The following UBE2E2 variants were observed in gnomAD, a reference collection of about 807,000 sequenced individuals.
The protein encoded by UBE2E2 is ubiquitin conjugating enzyme E2 E2, also known as ubiquitin-conjugating enzyme E2 E2.
A neutral mutation model predicts 24.7 loss-of-function variants in UBE2E2; 6 were observed. The ratio of observed to expected loss-of-function variants is 0.24; its 90% CI spans 0.13 to 0.48. The LOEUF is 0.48. Ranked by LOEUF, UBE2E2 falls within the 20% of genes least tolerant of loss-of-function variation. The probability of loss-of-function intolerance (pLI) is 0.99; values close to 1 mark genes in which losing one functional copy is unlikely to be tolerated. For synonymous variants in UBE2E2, 104 were observed against 83.6 expected (o/e 1.24, Z -1.33); for missense variants, 169 against 245.0 (o/e 0.69, Z 2.07).
At chr3:23,467,718 C>T (rs1350128722) in intron 3 of UBE2E2, among the ~76,000 whole-genome samples, 1 of 152,068 alleles carries the variant, frequency 6.6e-6, no homozygotes, top group Non-Finnish European at 1.5e-5. Context: ...TTAGTACGTT[C>T]TCACACTGCT....
intron 3 of UBE2E2, among the ~76,000 whole-genome samples, chr3:23,335,726 G>A (rs557345369): frequency 6.6e-6 from 1 of 152,062 alleles, no homozygotes; most frequent in Non-Finnish European, 1.5e-5. Flanking sequence ...TAGAGATGGG[G>A]TCTCACTGTG....
intron 3 of UBE2E2, among the ~76,000 whole-genome samples, chr3:23,408,098 A>G (rs1034366626): frequency 6.6e-5 from 10 of 152,178 alleles, no homozygotes; most frequent in Non-Finnish European, 1.0e-4. Flanking sequence ...TTTTTGTAGA[A>G]GAAAAGTAAG....
intron 3 of UBE2E2, among the ~76,000 whole-genome samples, chr3:23,357,130 C>T (rs147589652): frequency 2.2e-3 from 331 of 152,306 alleles, no homozygotes; most frequent in African/African-American, 7.2e-3. Context: ...GGTCTTACTT[C>T]ACTGCAAGGA....
rs116909531 is a variant in UBE2E2 at position 23,534,887 on chromosome 3, T to C, written c.508+2186T>C. Among the ~76,000 whole-genome samples, 85 of 152,310 alleles carry C rather than the reference T, an allele frequency of 5.6e-4. 3 individuals carry two copies. In the East Asian group the frequency reaches 0.015, roughly 27 times the overall value. On this transcript the variant is annotated intron_variant, in intron 5 of 5. Coordinates refer to ENST00000396703, the MANE Select transcript of UBE2E2 (RefSeq NM_152653.4). The stretch of plus-strand genomic sequence containing the variant: ...CCCGGAAATGCTGTCACCTCAAAAA[T>C]AGGCCTTGTATAATGATACAAATTT...
At chr3:23,421,685 C>T (rs117385788) in intron 3 of UBE2E2, among the ~76,000 whole-genome samples, 4,393 of 152,274 alleles carry the variant, frequency 0.029, 109 homozygotes, top group East Asian at 0.13. Context: ...GGATTACAGA[C>T]GTGAGCCACC....
chr3:23,226,644 G>C (rs769805763), intron 3 of UBE2E2, among the ~76,000 whole-genome samples: 1 of 152,166 alleles, frequency 6.6e-6, no homozygotes, highest in Admixed American at 6.6e-5. Flanking sequence ...GAATGAATGA[G>C]AGCAGAAACA....
intron 3 of UBE2E2, among the ~76,000 whole-genome samples, chr3:23,480,554 A>G (rs906960901): frequency 1.3e-5 from 2 of 150,930 alleles, no homozygotes; most frequent in Non-Finnish European, 2.9e-5. Flanking sequence ...CGCCTCCCCC[A>G]CTACAGCTGG....
chr3:23,345,462 T>C (rs534824247), intron 3 of UBE2E2, among the ~76,000 whole-genome samples: 4 of 152,336 alleles, frequency 2.6e-5, no homozygotes, highest in Admixed American at 2.6e-4. Flanking sequence ...GTTTAAAATA[T>C]ACGTGGCAAA....
intron 3 of UBE2E2, among the ~76,000 whole-genome samples, chr3:23,430,636 A>G (rs1209256382): frequency 6.6e-6 from 1 of 152,026 alleles, no homozygotes; most frequent in Non-Finnish European, 1.5e-5. Flanking sequence ...TTCCTGTCTT[A>G]TCCTCCTGAG....
intron 3 of UBE2E2, among the ~76,000 whole-genome samples, chr3:23,379,097 G>A (rs954027838): frequency 6.6e-6 from 1 of 152,022 alleles, no homozygotes; most frequent in African/African-American, 2.4e-5. Context: ...AATGCTGTTT[G>A]ACTGTCTTGT....
In UBE2E2 at chr3:23,407,016, A is replaced by G. The variant is rs1483975161; in HGVS notation, c.228-92592A>G. 6.6e-6 allele frequency among the ~76,000 whole-genome samples: 1 copy of G among 152,212 alleles called. No individual in the cohort carries two copies. Among genetic ancestry groups the G allele is most frequent in the African/African-American group, 2.4e-5 (1 of 41,460 alleles). On this transcript the variant is annotated intron_variant, in intron 3 of 5. Coordinates refer to ENST00000396703, the MANE Select transcript of UBE2E2 (RefSeq NM_152653.4). The surrounding 1 kb of genome is among the most constrained non-coding windows in gnomAD (Gnocchi z 4.0). ...GCCCATTCCAAATTGTAAAGCAATC[A>G]TATTTGGTGATACTTTTAATTCATT...
chr3:23,500,099 G>A (rs1699689432), intron 4 of UBE2E2, among the ~76,000 whole-genome samples: 1 of 152,180 alleles, frequency 6.6e-6, no homozygotes, highest in Admixed American at 6.5e-5. Flanking sequence ...TGGAGCCAGA[G>A]CCCAAGCAAG....
intron 3 of UBE2E2, 117 bp from the exon 4 acceptor site, chr3:23,499,491 C>T (rs922485698): frequency 1.8e-5 from 23 of 1,247,796 alleles, no homozygotes; most frequent in African/African-American, 6.1e-5. Context: ...TGAGAGTTAA[C>T]TGATTAACTT....
At chr3:23,317,472 T>G (rs1694613569) in intron 3 of UBE2E2, among the ~76,000 whole-genome samples, 1 of 152,110 alleles carries the variant, frequency 6.6e-6, no homozygotes, top group Non-Finnish European at 1.5e-5. Context: ...TGGGGAGGTG[T>G]ATTAGTCTGT....
At chr3:23,486,496 C>T (rs1194202448) in intron 3 of UBE2E2, among the ~76,000 whole-genome samples, 3 of 152,150 alleles carry the variant, frequency 2.0e-5, no homozygotes, top group Non-Finnish European at 4.4e-5. Context: ...TTCTCGGGGT[C>T]ATGTTTCAGC....
chr3:23,460,775 C>T (rs954359122), intron 3 of UBE2E2, among the ~76,000 whole-genome samples: 3 of 152,036 alleles, frequency 2.0e-5, no homozygotes, highest in Non-Finnish European at 4.4e-5. Flanking sequence ...GAAGGACATT[C>T]CAAGAAGAAG....
intron 3 of UBE2E2, among the ~76,000 whole-genome samples, chr3:23,296,770 C>T (rs543112410): frequency 1.3e-5 from 2 of 152,154 alleles, no homozygotes; most frequent in East Asian, 1.9e-4. Context: ...AATAAACATA[C>T]GTATGCATGT....
intron 3 of UBE2E2, among the ~76,000 whole-genome samples, chr3:23,355,814 C>T (rs573911828): frequency 2.0e-4 from 31 of 152,294 alleles, no homozygotes; most frequent in African/African-American, 6.7e-4. Flanking sequence ...AACTATGCTA[C>T]GATTCATGTG....
At chr3:23,544,961 A>C (rs1312036516) in intron 5 of UBE2E2, among the ~76,000 whole-genome samples, 2 of 152,160 alleles carry the variant, frequency 1.3e-5, no homozygotes, top group African/African-American at 4.8e-5. Context: ...GTAAAGAATC[A>C]AGTGCTGTGC....
Sources: allele counts gnomAD v4.1 joint callset (sites outside exome capture counted in the v4.1 genomes callset), GRCh38; gene constraint gnomAD v4.1.1; non-coding constraint Gnocchi (gnomAD v3.1); transcripts MANE v1.5; gene names NCBI Gene and HGNC (gene_info 2026-07-23, HGNC 2026-07-21).